Variants in PLCB4 observed in about 807,000 individuals in gnomAD.
PLCB4 encodes 1-phosphatidylinositol 4,5-bisphosphate phosphodiesterase beta-4.
PLCB4 carries 77 observed loss-of-function variants against 178.8 expected under a neutral mutation model. The observed-to-expected ratio is 0.43, with a 90% CI of 0.36 to 0.52. The LOEUF (loss-of-function observed/expected upper bound fraction) is 0.52, where lower values mean the gene tolerates loss of function less well. PLCB4 is among the 20% of genes least tolerant of loss of function. PLCB4 has a pLI of 0.00. For synonymous variants in PLCB4, 496 were observed against 490.8 expected (o/e 1.01, Z -0.14); for missense variants, 1,024 against 1,453.4 (o/e 0.70, Z 4.80).
At position 9,362,944 on chromosome 20, in the gene PLCB4, A is replaced by G. The variant is rs1429663789; in HGVS notation, c.418A>G (p.Asn140Asp). 6.2e-7 allele frequency: 1 copy of G among 1,612,932 alleles called. No individual in the cohort carries two copies. Among genetic ancestry groups the G allele is most frequent in the Non-Finnish European group, 8.5e-7 (1 of 1,178,936 alleles). Residue 140 changes from asparagine (N) to aspartate (D), a missense_variant, in exon 8 of 40, where the codon AAC (asparagine) becomes GAC (aspartate). By Grantham distance (23) the Asn-to-Asp change is conservative. This residue lies in a region of PLCB4 where 225 missense variants were observed against 291.0 expected (regional missense o/e 0.77). Coordinates refer to ENST00000378473, the MANE Select transcript of PLCB4 (RefSeq NM_001377142.1). ...AATCATACACAACTTCAGGGCCAAC[A>G]ACGTCAGTCCAATGACATGCCTCAA... The part of the protein sequence containing the change: ...RSIIHNFRAN[N>D]VSPMTCLKKH...
chr20:9,391,805 C>G (rs1464172947), intron 17 of PLCB4, among the ~76,000 whole-genome samples: 1 of 152,208 alleles, frequency 6.6e-6, no homozygotes, highest in Non-Finnish European at 1.5e-5. Flanking sequence ...ACCCCTATCC[C>G]ATGCTTCATC....
chr20:9,090,053 T>G (rs568214656), intron 1 of PLCB4, among the ~76,000 whole-genome samples: 1 of 152,208 alleles, frequency 6.6e-6, no homozygotes, highest in East Asian at 1.9e-4. Context: ...GAGTTCTTTC[T>G]GAGCTATGGC....
intron 2 of PLCB4, among the ~76,000 whole-genome samples, chr20:9,216,445 C>T (rs957264245): frequency 1.3e-5 from 2 of 152,240 alleles, no homozygotes; most frequent in Admixed American, 6.5e-5. Flanking sequence ...TCTTGATCTC[C>T]TGACCTCGTG....
At chr20:9,315,074 G>A (rs146335094) in intron 4 of PLCB4, among the ~76,000 whole-genome samples, 77 of 152,018 alleles carry the variant, frequency 5.1e-4, no homozygotes, top group African/African-American at 4.1e-4. Flanking sequence ...GTGAAACCCC[G>A]TCTACATAAA....
intron 3 of PLCB4, among the ~76,000 whole-genome samples, chr20:9,302,863 T>A (rs551744988): frequency 3.9e-5 from 6 of 152,222 alleles, no homozygotes; most frequent in South Asian, 2.1e-4. Context: ...GCTTTTTTTT[T>A]TTATTTTTAT....
chr20:9,152,447 G>C (rs552581239), intron 2 of PLCB4, among the ~76,000 whole-genome samples: 28 of 152,282 alleles, frequency 1.8e-4, no homozygotes, highest in African/African-American at 5.3e-4. Context: ...TCCAGCCATG[G>C]CTGAAAGGGG....
chr20:9,276,602 A>G (rs1181062132), intron 3 of PLCB4, among the ~76,000 whole-genome samples: 2 of 152,072 alleles, frequency 1.3e-5, no homozygotes, highest in Non-Finnish European at 2.9e-5. Flanking sequence ...GATTTGTCCA[A>G]GGTCACATGG....
chr20:9,357,422 T>C (rs901916254), intron 7 of PLCB4, among the ~76,000 whole-genome samples: 2 of 152,150 alleles, frequency 1.3e-5, no homozygotes, highest in Non-Finnish European at 2.9e-5. Context: ...TCTAGAACCA[T>C]GGGGCTCTTC....
At chr20:9,172,004 A>G (rs1295593417) in intron 2 of PLCB4, among the ~76,000 whole-genome samples, 2 of 152,176 alleles carry the variant, frequency 1.3e-5, no homozygotes, top group Non-Finnish European at 2.9e-5. Flanking sequence ...GATTATATTA[A>G]GGCAAAATAA....
At chr20:9,454,959 A>G (rs6039474) in intron 33 of PLCB4, among the ~76,000 whole-genome samples, 5 of 152,294 alleles carry the variant, frequency 3.3e-5, no homozygotes, top group African/African-American at 1.2e-4. Flanking sequence ...CTTAGAAAAC[A>G]TTTTGATCTG....
At chr20:9,170,515 T>C (rs1403389228) in intron 2 of PLCB4, among the ~76,000 whole-genome samples, 1 of 152,130 alleles carries the variant, frequency 6.6e-6, no homozygotes, top group Non-Finnish European at 1.5e-5. Flanking sequence ...ACACACCTGG[T>C]TTCTCTGGAT....
intron 2 of PLCB4, among the ~76,000 whole-genome samples, chr20:9,154,980 A>G (rs1406528674): frequency 8.7e-6 from 1 of 114,318 alleles, no homozygotes; most frequent in African/African-American, 3.4e-5. Context: ...CTTTTGGGGT[A>G]CAAGTGGTTT....
chr20:9,252,252 A>G (rs1215030589), intron 3 of PLCB4, among the ~76,000 whole-genome samples: 1 of 152,210 alleles, frequency 6.6e-6, no homozygotes, highest in South Asian at 2.1e-4. Flanking sequence ...CATATGAGAC[A>G]CTGCAAGTAT....
intron 2 of PLCB4, among the ~76,000 whole-genome samples, chr20:9,104,814 TC>T (rs879636651): frequency 9.2e-5 from 14 of 152,096 alleles, no homozygotes; most frequent in Non-Finnish European, 5.9e-5. Flanking sequence ...CATGAAGACT[TC>T]CTTAAGCTCT....
intron 3 of PLCB4, among the ~76,000 whole-genome samples, chr20:9,247,482 A>C (rs2094137701): frequency 6.6e-6 from 1 of 152,224 alleles, no homozygotes; most frequent in Non-Finnish European, 1.5e-5. Context: ...AACCCTCTTC[A>C]AGTGCAGATG....
At chr20:9,443,106 G>C (rs2299681) in intron 30 of PLCB4, among the ~76,000 whole-genome samples, 13,240 of 152,130 alleles carry the variant, frequency 0.087, 728 homozygotes, top group East Asian at 0.31. Flanking sequence ...CACTCAGATA[G>C]CAGGATGACT....
At chr20:9,183,877 C>A (rs999065935) in intron 2 of PLCB4, among the ~76,000 whole-genome samples, 1 of 152,108 alleles carries the variant, frequency 6.6e-6, no homozygotes, top group Non-Finnish European at 1.5e-5. Context: ...CTCATTGTAA[C>A]ATATTTATAC....
At chr20:9,318,074 C>G (rs1468115882) in intron 4 of PLCB4, among the ~76,000 whole-genome samples, 1 of 152,014 alleles carries the variant, frequency 6.6e-6, no homozygotes. Flanking sequence ...CACTTGAACC[C>G]TGGGACACAG....
intron 2 of PLCB4, among the ~76,000 whole-genome samples, chr20:9,175,932 C>T (rs1050787801): frequency 6.6e-6 from 1 of 152,140 alleles, no homozygotes; most frequent in Non-Finnish European, 1.5e-5. Context: ...TGAGTCTTAG[C>T]AAATGTGTAC....
Sources: gnomAD v4.1 joint callset for allele counts (sites outside exome capture counted in the v4.1 genomes callset) on GRCh38, gnomAD v4.1.1 for gene constraint, gnomAD v4.1.1 regional missense constraint, MANE v1.5 for transcripts, NCBI Gene and HGNC (gene_info 2026-07-23, HGNC 2026-07-21) for gene names.